SATB2: variants seen among roughly 807,000 people sequenced by gnomAD.
SATB2 encodes DNA-binding protein SATB2.
In SATB2, 1 loss-of-function variant was observed where a neutral mutation model predicts 73.4. The ratio of observed to expected loss-of-function variants is 0.01; its 90% CI spans 0.00 to 0.06. The LOEUF is 0.06. Ranked by LOEUF, SATB2 falls within the 10% of genes least tolerant of loss-of-function variation. SATB2 has a pLI of 1.00. For missense variants in SATB2, 459 were observed against 945.8 expected, an observed-to-expected ratio of 0.49 and a Z score of 6.75; for synonymous variants, 397 against 367.0, an observed-to-expected ratio of 1.08 and a Z score of -0.93.
chr2:199,369,912 G>A (rs913788432), intron 5 of SATB2, among the ~76,000 whole-genome samples: 1 of 152,104 alleles, frequency 6.6e-6, no homozygotes, highest in African/African-American at 2.4e-5. Flanking sequence ...TTTCGCAGAT[G>A]GTTAGCCCTC....
chr2:199,386,694 AAGCG>A lies in SATB2; in HGVS notation c.347-4878_347-4875del, dbSNP rs1246695523. 2.1e-3 allele frequency among the ~76,000 whole-genome samples: 306 copies of A among 142,860 alleles called. 6 individuals are homozygous for A. The highest frequency in any genetic ancestry group is 7.0e-3 in the African/African-American group (258 of 37,008). 93.7% of individuals were successfully genotyped at this position (142,860 alleles called of 152,430 possible). A position where few individuals can be genotyped will look rare whatever the true frequency, so the allele number is the denominator to read the frequency against. ...TAGGAAATATTTCATACACGTGCGC[AAGCG>A]CGCGCGCGCGCGCGCGCGCACACAC... On this transcript the variant is annotated intron_variant, in intron 3 of 10. Coordinates refer to ENST00000417098, the MANE Select transcript of SATB2 (RefSeq NM_001172509.2).
At chr2:199,314,473 A>G (rs1687676857) in intron 9 of SATB2, among the ~76,000 whole-genome samples, 1 of 152,148 alleles carries the variant, frequency 6.6e-6, no homozygotes, top group African/African-American at 2.4e-5. Context: ...AAATAGTAAT[A>G]GTAGTCTCTC....
intron 3 of SATB2, among the ~76,000 whole-genome samples, chr2:199,401,523 G>A (rs1208481641): frequency 6.6e-6 from 1 of 150,866 alleles, no homozygotes; most frequent in Non-Finnish European, 1.5e-5. Context: ...ACTGCACTCC[G>A]AGCAAGACTC....
intron 3 of SATB2, among the ~76,000 whole-genome samples, chr2:199,433,059 T>C (rs1207758888): frequency 6.6e-6 from 1 of 152,196 alleles, no homozygotes; most frequent in Non-Finnish European, 1.5e-5. Context: ...TATCTCAACA[T>C]TGGTCCTAAC....
In SATB2 at chr2:199,272,605, G is replaced by A; in HGVS notation, c.1808C>T (p.Pro603Leu). The change falls in exon 11 of 11, where the codon CCA (proline) becomes CTA (leucine). Residue 603 changes from proline to leucine, a missense_variant. Around this residue, in one of 13 missense-constraint regions of SATB2, gnomAD observed 74 missense variants for 136.1 expected, o/e 0.54. Coordinates refer to ENST00000417098, the MANE Select transcript of SATB2 (RefSeq NM_001172509.2). The surrounding 1 kb of genome is among the most constrained non-coding windows in gnomAD (Gnocchi z 6.7). The stretch of plus-strand genomic sequence containing the variant: ...ACAACTGTCTTCAGTCGGAGGAGGT[G>A]GGGGAGGCGCTTCTTCTCTGGGAGG... ...SSPPREEAPPPPPPTEDSCAK... is the reference protein window; with the variant it reads ...SSPPREEAPPLPPPTEDSCAK... The A allele has an allele frequency of 6.2e-7, 1 of 1,614,120 alleles. No individual in the cohort carries two copies.
At chr2:199,334,044 T>C (rs1480321956) in intron 7 of SATB2, among the ~76,000 whole-genome samples, 26 of 152,064 alleles carry the variant, frequency 1.7e-4, no homozygotes, top group Admixed American at 1.6e-3. Flanking sequence ...TACTAAAACA[T>C]GTACCTTTTG....
intron 8 of SATB2, among the ~76,000 whole-genome samples, chr2:199,326,351 T>C (rs916740595): frequency 6.6e-6 from 1 of 152,098 alleles, no homozygotes; most frequent in Non-Finnish European, 1.5e-5. Flanking sequence ...AACTGTGATA[T>C]TAAATAAGAG....
intron 4 of SATB2, among the ~76,000 whole-genome samples, chr2:199,381,452 G>A (rs546545466): frequency 3.3e-5 from 5 of 152,204 alleles, no homozygotes; most frequent in East Asian, 3.9e-4. Flanking sequence ...TTGTCAAGCC[G>A]CCCCTAGGTT....
intron 7 of SATB2, among the ~76,000 whole-genome samples, chr2:199,343,113 TACAC>T (rs60947005): frequency 0.51 from 76,642 of 151,114 alleles, 22,946 homozygotes; most frequent in Non-Finnish European, 0.68. Context: ...TTTTATTTTA[TACAC>T]ACACACACAC....
chr2:199,433,085 GT>G (rs1426914425), intron 3 of SATB2, among the ~76,000 whole-genome samples: 10 of 152,142 alleles, frequency 6.6e-5, no homozygotes, highest in Non-Finnish European at 1.0e-4. Context: ...GAAAATAACA[GT>G]GTTATAAATG....
intron 3 of SATB2, among the ~76,000 whole-genome samples, chr2:199,416,362 A>G (rs573566880): frequency 9.2e-5 from 14 of 152,330 alleles, no homozygotes; most frequent in Admixed American, 2.6e-4. Context: ...ATACAGATTT[A>G]CCTTCGTAAT....
At position 199,416,810 on chromosome 2, in the gene SATB2, G is replaced by A. The variant is rs191204495; in HGVS notation, c.346+16528C>T. ...CCAGCACTTTGGGAGGCTGAAGCAG[G>A]CGGATCATGAGGTCAGGAGATCGAG... On this transcript the variant is annotated intron_variant, in intron 3 of 10. Coordinates refer to ENST00000417098, the MANE Select transcript of SATB2 (RefSeq NM_001172509.2). 2.7e-4 allele frequency among the ~76,000 whole-genome samples: 41 copies of A among 152,234 alleles called. No homozygotes were observed. The East Asian group carries it at 7.0e-3, about 26-fold the overall frequency.
intron 7 of SATB2, among the ~76,000 whole-genome samples, chr2:199,329,648 C>T (rs1326226863): frequency 6.6e-6 from 1 of 152,044 alleles, no homozygotes; most frequent in Non-Finnish European, 1.5e-5. Context: ...TAACAGTGTG[C>T]ACGGAATGCC....
chr2:199,292,970 G>A (rs2105745134), intron 10 of SATB2, among the ~76,000 whole-genome samples: 1 of 152,210 alleles, frequency 6.6e-6, no homozygotes, highest in African/African-American at 2.4e-5. Flanking sequence ...AAACTGTTGA[G>A]TTATTATTAG....
At position 199,273,475 on chromosome 2, in the gene SATB2, T is replaced by C. The variant is rs927803345; in HGVS notation, c.1741-803A>G. ...CTCTTACAGTGTTATAGAGGAATAA[T>C]TGGTACTTAAGCCAGAAAATCAATC... On this transcript the variant is annotated intron_variant, in intron 10 of 10. Coordinates refer to ENST00000417098, the MANE Select transcript of SATB2 (RefSeq NM_001172509.2). Among the ~76,000 whole-genome samples, 4 of 152,228 alleles carry C rather than the reference T, an allele frequency of 2.6e-5. No homozygotes were observed. The East Asian group carries it at 5.8e-4, about 22-fold the overall frequency.
At chr2:199,377,960 T>C (rs1377202564) in intron 5 of SATB2, among the ~76,000 whole-genome samples, 2 of 151,878 alleles carry the variant, frequency 1.3e-5, no homozygotes, top group African/African-American at 2.4e-5. Context: ...GAGGTTTTTA[T>C]GATAGGGTTA....
intron 3 of SATB2, among the ~76,000 whole-genome samples, chr2:199,418,454 G>A (rs900799727): frequency 4.0e-5 from 6 of 151,898 alleles, no homozygotes; most frequent in African/African-American, 1.5e-4. Flanking sequence ...CACCATCTAC[G>A]TTTCACTATA....
At chr2:199,345,129 G>T (rs1026532083) in intron 7 of SATB2, among the ~76,000 whole-genome samples, 3 of 151,974 alleles carry the variant, frequency 2.0e-5, no homozygotes, top group Admixed American at 2.0e-4. Context: ...GGCTGGTGCT[G>T]CTGCTGCTGG....
chr2:199,384,043 C>T (rs1689857707), intron 3 of SATB2, among the ~76,000 whole-genome samples: 1 of 152,102 alleles, frequency 6.6e-6, no homozygotes, highest in Non-Finnish European at 1.5e-5. Context: ...AATTATACCT[C>T]AATTTTTTAG....
Sources: allele counts gnomAD v4.1 joint callset (sites outside exome capture counted in the v4.1 genomes callset), GRCh38; gene constraint gnomAD v4.1.1; regional missense constraint gnomAD v4.1.1; non-coding constraint Gnocchi (gnomAD v3.1); transcripts MANE v1.5; gene names NCBI Gene and HGNC (gene_info 2026-07-23, HGNC 2026-07-21).